Variants in ANKRD40 observed in about 807,000 individuals in gnomAD.
The protein encoded by ANKRD40 is ankyrin repeat domain 40.
ANKRD40 carries 24 observed loss-of-function variants against 35.5 expected under a neutral mutation model. The ratio of observed to expected loss-of-function variants is 0.68; its 90% CI spans 0.49 to 0.95. The LOEUF is 0.95. Among genes scored for constraint, ANKRD40 ranks in the 40% least tolerant of loss-of-function variants. The pLI is 0.00. For missense variants in ANKRD40, 361 were observed against 436.0 expected, an observed-to-expected ratio of 0.83 and a Z score of 1.53; for synonymous variants, 147 against 173.5, an observed-to-expected ratio of 0.85 and a Z score of 1.20.
Position 50,699,551 on chromosome 17 carries a change from C to A in ANKRD40, c.626G>T (p.Cys209Phe). 6.2e-7 allele frequency: 1 copy of A among 1,614,218 alleles called. No homozygotes were observed. Among genetic ancestry groups the A allele is most frequent in the South Asian group, 1.1e-5 (1 of 91,082 alleles). ...GCGGCTCTGACTCACTGGTGGCTGA[C>A]AAACAGGACCCGGTTTTGTGCTTTC... ...TPESTKPGPVCQPPVSQSRSL... is the reference protein window; with the variant it reads ...TPESTKPGPVFQPPVSQSRSL... Residue 209 changes from cysteine to phenylalanine, a missense_variant, in exon 3 of 5, where the codon TGT (cysteine) becomes TTT (phenylalanine). Physicochemically the swap from Cys to Phe is radical, Grantham distance 205 (BLOSUM62 -2). Around this residue, in one of 5 missense-constraint regions of ANKRD40, gnomAD observed 172 missense variants for 174.0 expected, o/e 0.99. Coordinates refer to ENST00000285243, the MANE Select transcript of ANKRD40 (RefSeq NM_052855.4).
At position 50,696,756 on chromosome 17, in the gene ANKRD40, C is replaced by CAAA. The variant is rs56236009; in HGVS notation, c.960+181_960+183dup. 944 of 326,996 alleles carry CAAA rather than the reference C, an allele frequency of 2.9e-3. 1 individual carries two copies. Among genetic ancestry groups the CAAA allele is most frequent in the Middle Eastern group, 4.9e-3 (6 of 1,214 alleles). 20.3% of individuals were successfully genotyped at this position (326,996 alleles called of 1,614,324 possible). ...CACTCCACTGCTTCACTTGACTTGCCAAAAAAAAAAAAAAAGCCAGTGTCC... is the reference window on the plus strand; with the variant it reads ...CACTCCACTGCTTCACTTGACTTGCCAAAAAAAAAAAAAAAAAAGCCAGTGTCC... On this transcript the variant is annotated intron_variant, in intron 4 of 4. Coordinates refer to ENST00000285243, the MANE Select transcript of ANKRD40 (RefSeq NM_052855.4).
intron 1 of ANKRD40, chr17:50,701,095 T>C (rs548950348): frequency 5.4e-4 from 86 of 158,126 alleles, no homozygotes; most frequent in African/African-American, 2.0e-3. Context: ...TCAGGGACTA[T>C]GGAAACTCAC....
At chr17:50,699,953 T>C (rs1228098093) in intron 2 of ANKRD40, 60 bp from the exon 3 acceptor site, 5 of 1,404,170 alleles carry the variant, frequency 3.6e-6, no homozygotes, top group East Asian at 5.0e-5. Flanking sequence ...AAACAAGGTG[T>C]CTTTTGAAAG....
At position 50,707,544 on chromosome 17, in the gene ANKRD40, G is replaced by C. The variant is rs773043508; in HGVS notation, c.111C>G (p.Asn37Lys). Residue 37 changes from asparagine to lysine, a missense_variant, in exon 1 of 5, where the codon AAC becomes AAG. This residue lies in a region of ANKRD40 where 56 missense variants were observed against 47.1 expected (regional missense o/e 1.19). Transcript: ENST00000285243. This position sits in a 1 kb window ranked among gnomAD's most constrained non-coding sequence, Gnocchi z 4.8. ...QKLVESGVDV[N>K]SQNEVNGWTC... ...ACCAGCCGTTGACCTCATTTTGGGA[G>C]TTCACATCCACCCCGCTCTCCACCA... The C allele has an allele frequency of 6.8e-5, 110 of 1,607,508 alleles. No individual in the cohort carries two copies. Among genetic ancestry groups the C allele is most frequent in the Non-Finnish European group, 9.2e-5 (108 of 1,176,818 alleles).
Position 50,707,738 on chromosome 17 carries a change from C to T in ANKRD40, c.-84G>A. The T allele has an allele frequency of 1.9e-6, 2 of 1,061,486 alleles. No individual in the cohort carries two copies. Among genetic ancestry groups the T allele is most frequent in the South Asian group, 4.4e-5 (1 of 22,660 alleles). 65.8% of individuals were successfully genotyped at this position (1,061,486 alleles called of 1,614,324 possible). On this transcript the variant is annotated 5_prime_UTR_variant, in exon 1 of 5. Coordinates refer to ENST00000285243, the MANE Select transcript of ANKRD40 (RefSeq NM_052855.4). The surrounding 1 kb of genome is among the most constrained non-coding windows in gnomAD (Gnocchi z 4.8). ...TCAGCGCCGCCGCCGTCGCCGCGGCCCGCTCCCGGCCATGGGGAGGGAGCG... is the reference window on the plus strand; with the variant it reads ...TCAGCGCCGCCGCCGTCGCCGCGGCTCGCTCCCGGCCATGGGGAGGGAGCG...
chr17:50,696,426 A>G (rs1168804904), intron 4 of ANKRD40, among the ~76,000 whole-genome samples: 2 of 152,216 alleles, frequency 1.3e-5, no homozygotes, highest in Non-Finnish European at 2.9e-5. Context: ...AGAAGCCAGA[A>G]GCCTGATGTC....
rs1287822349 is a variant in ANKRD40, at chr17:50,693,675, T to G, written c.*2322A>C. On this transcript the variant is annotated 3_prime_UTR_variant, in exon 5 of 5. Coordinates refer to ENST00000285243, the MANE Select transcript of ANKRD40 (RefSeq NM_052855.4). ...CTCCACTTTAATTAATCTGGGTGGC[T>G]GAAAGTGTTTTAACCCAAGTAACTT... 1 of 152,248 alleles carries G rather than the reference T, an allele frequency of 6.6e-6. No homozygotes were observed. Among genetic ancestry groups the G allele is most frequent in the Non-Finnish European group, 1.5e-5 (1 of 68,046 alleles). 9.4% of individuals were successfully genotyped at this position (152,248 alleles called of 1,614,324 possible).
chr17:50,700,965 T>A, intron 1 of ANKRD40: 1 of 363,654 alleles, frequency 2.7e-6, no homozygotes, highest in Non-Finnish European at 5.0e-6. Context: ...TTCAATAGCC[T>A]CCAGAAGGTA....
chr17:50,699,865 A>C lies in ANKRD40; in HGVS notation c.312T>G (p.Asp104Glu). Reference sequence around the variant, plus strand: ...TCTTCAGCTGGGGGAGGTTGTCATCATCATCATCATCATCATCTTCTTCTT... The same window carrying C: ...TCTTCAGCTGGGGGAGGTTGTCATCCTCATCATCATCATCATCTTCTTCTT... ...GVEEEDDDDD[D>E]DDNLPQLKKE... The change falls in exon 3 of 5, where the codon GAT becomes GAG. Residue 104 changes from aspartate (D) to glutamate (E), a missense_variant. Asp to Glu is a conservative substitution (Grantham distance 45). This residue lies in a region of ANKRD40 where 172 missense variants were observed against 174.0 expected (regional missense o/e 0.99). Coordinates refer to ENST00000285243, the MANE Select transcript of ANKRD40 (RefSeq NM_052855.4). 1 of 1,511,870 alleles carries C rather than the reference A, an allele frequency of 6.6e-7. No individual in the cohort carries two copies. Among genetic ancestry groups the C allele is most frequent in the African/African-American group, 1.4e-5 (1 of 71,682 alleles). 93.7% of individuals were successfully genotyped at this position (1,511,870 alleles called of 1,614,324 possible).
rs1968238085 is a variant in ANKRD40 at position 50,699,436 on chromosome 17, T to C, written c.741A>G (p.Pro247=). 1 of 1,614,040 alleles carries C rather than the reference T, an allele frequency of 6.2e-7. No homozygotes were observed. The highest frequency in any genetic ancestry group is 2.2e-5 in the East Asian group (1 of 44,890). ...ATGGAAATGCTCCAGTGAAGAAAAA[T>C]GGCTGGAATGCTGGCGCTGGTCCTG... ...TYAGPAPAFQ[P]FFFTGAFPFN... Residue 247 remains proline, a synonymous_variant, in exon 3 of 5, where the codon CCA becomes CCG. Transcript: ENST00000285243.
intron 2 of ANKRD40, 107 bp downstream of exon 2, chr17:50,700,454 AAAAAAAG>A (rs2146657630): frequency 3.4e-5 from 39 of 1,153,892 alleles, no homozygotes; most frequent in East Asian, 7.4e-5. Context: ...GGAAAAAAAA[AAAAAAAG>A]AAAGAAATAG....
At chr17:50,696,280 G>A in intron 4 of ANKRD40, 137 bp from the exon 5 acceptor site, 1 of 1,009,580 alleles carries the variant, frequency 9.9e-7, no homozygotes, top group Non-Finnish European at 1.4e-6. Context: ...GGCTAAGTCA[G>A]TGATAGTGCA....
intron 4 of ANKRD40, 52 bp from the exon 5 acceptor site, chr17:50,696,195 G>A (rs759344358): frequency 1.3e-6 from 2 of 1,575,522 alleles, no homozygotes; most frequent in South Asian, 1.2e-5. Flanking sequence ...GTCTCCATAT[G>A]TTTGGTGCAC....
chr17:50,697,047 G>A lies in ANKRD40; in HGVS notation c.853C>T (p.Gln285Ter), dbSNP rs1968208987. 1 of 1,614,114 alleles carries A rather than the reference G, an allele frequency of 6.2e-7. No homozygotes were observed. The highest frequency in any genetic ancestry group is 8.5e-7 in the Non-Finnish European group (1 of 1,180,016). Residue 285 changes from glutamine (Q) to a stop codon, truncating the protein, a stop_gained, in exon 4 of 5, where the codon CAG (glutamine) becomes TAG (stop). Coordinates refer to ENST00000285243, the MANE Select transcript of ANKRD40 (RefSeq NM_052855.4). LOFTEE classifies it high-confidence loss of function. Reference protein sequence around the residue: ...NDFIEIELDRQELTYQELLRV... With the variant: ...NDFIEIELDR ...AGCAACTCTTGGTAGGTGAGCTCCT[G>A]TCGGTCCAGTTCAATTTCAATGAAA... is the stretch of plus-strand genomic sequence containing the variant.
At position 50,696,987 on chromosome 17, in the gene ANKRD40, C is replaced by G; in HGVS notation, c.913G>C (p.Asp305His). 6.2e-7 allele frequency: 1 copy of G among 1,612,388 alleles called. No individual in the cohort carries two copies. The highest frequency in any genetic ancestry group is 8.5e-7 in the Non-Finnish European group (1 of 1,179,150). Residue 305 changes from aspartate (D) to histidine (H), a missense_variant, in exon 4 of 5, where the codon GAT becomes CAT. This residue lies in a region of ANKRD40 where 93 missense variants were observed against 129.6 expected (regional missense o/e 0.72). Transcript: ENST00000285243. ...VCCCELGVNP[D>H]QVEKIRKLPN... is the part of the protein sequence containing the mutation. ...AACTTTCTGATCTTCTCCACTTGAT[C>G]TGGATTAACACCCAGCTCACAGCAA...
intron 1 of ANKRD40, among the ~76,000 whole-genome samples, chr17:50,706,903 C>CAAAAAAAAAAAAA (rs35024672): frequency 3.2e-4 from 12 of 37,988 alleles, no homozygotes; most frequent in South Asian, 1.4e-3. Flanking sequence ...GACCCTGTCT[C>CAAAAAAAAAAAAA]AAAAAAAAAA....
At position 50,706,929 on chromosome 17, in the gene ANKRD40, A is replaced by G. The variant is rs866234096; in HGVS notation, c.134+592T>C. Among the ~76,000 whole-genome samples, 573 of 141,512 alleles carry G rather than the reference A, an allele frequency of 4.0e-3. 1 individual carries two copies. The highest frequency in any genetic ancestry group is 7.4e-3 in the Non-Finnish European group (470 of 63,916). The allele number at this position is 141,512 out of a possible 152,430, so 92.8% of individuals were successfully genotyped here. A position where few individuals can be genotyped will look rare whatever the true frequency, so the allele number is the denominator to read the frequency against. ...AAAAAAAAAAAAAAAAAAAAAAAAA[A>G]AAAGAAAGAAAATAATCGATAGGAT... On this transcript the variant is annotated intron_variant, in intron 1 of 4. Transcript: ENST00000285243.
chr17:50,707,686 CG>C lies in ANKRD40; in HGVS notation c.-33del. 1 of 1,372,702 alleles carries C rather than the reference CG, an allele frequency of 7.3e-7. No homozygotes were observed. The highest frequency in any genetic ancestry group is 1.5e-5 in the African/African-American group (1 of 66,812). 85.0% of individuals were successfully genotyped at this position (1,372,702 alleles called of 1,614,324 possible). A position where few individuals can be genotyped will look rare whatever the true frequency, so the allele number is the denominator to read the frequency against. On this transcript the variant is annotated 5_prime_UTR_variant, in exon 1 of 5. Transcript: ENST00000285243. The surrounding 1 kb of genome is among the most constrained non-coding windows in gnomAD (Gnocchi z 4.8). ...ACAGCCCCAGGCCCCCGCCCAGGCC[CG>C]CCTGCCCCGCCCCGCCCGGGGCCTG...
chr17:50,696,173 C>T (rs766015770), intron 4 of ANKRD40, 30 bp from the exon 5 acceptor site: 1 of 1,605,358 alleles, frequency 6.2e-7, no homozygotes, highest in South Asian at 1.1e-5. Flanking sequence ...AACAGATTAA[C>T]AGGAGCCACT....
Sources: gnomAD v4.1 joint callset for allele counts (sites outside exome capture counted in the v4.1 genomes callset) on GRCh38, gnomAD v4.1.1 for gene constraint, gnomAD v4.1.1 regional missense constraint, Gnocchi (gnomAD v3.1) non-coding constraint, MANE v1.5 for transcripts, NCBI Gene and HGNC (gene_info 2026-07-23, HGNC 2026-07-21) for gene names.